The following SYT16 variants were observed in gnomAD, a reference collection of about 807,000 sequenced individuals.
SYT16 encodes synaptotagmin-16.
SYT16 carries 42 observed loss-of-function variants against 61.4 expected under a neutral mutation model. The ratio of observed to expected loss-of-function variants is 0.68; its 90% CI spans 0.53 to 0.89. The LOEUF (loss-of-function observed/expected upper bound fraction) is 0.89, where lower values mean the gene tolerates loss of function less well. SYT16 is among the 40% of genes least tolerant of loss of function. The probability of loss-of-function intolerance (pLI) is 0.00; values close to 1 mark genes in which losing one functional copy is unlikely to be tolerated. For synonymous variants in SYT16, 314 were observed against 302.3 expected (o/e 1.04, Z -0.40); for missense variants, 804 against 807.3 (o/e 1.00, Z 0.05).
chr14:62,020,508 G>A (rs368573792), intron 3 of SYT16, among the ~76,000 whole-genome samples: 1 of 152,118 alleles, frequency 6.6e-6, no homozygotes, highest in African/African-American at 2.4e-5. Flanking sequence ...GAATTTGGAG[G>A]GTTCAGTTGC....
chr14:62,061,490 A>G (rs995389012), intron 3 of SYT16, among the ~76,000 whole-genome samples: 3 of 152,178 alleles, frequency 2.0e-5, no homozygotes, highest in Non-Finnish European at 2.9e-5. Flanking sequence ...CAACTGTATT[A>G]TAGCTATAAG....
chr14:62,018,929 A>G (rs1296077466), intron 3 of SYT16, among the ~76,000 whole-genome samples: 6 of 152,220 alleles, frequency 3.9e-5, no homozygotes, highest in East Asian at 3.8e-4. Context: ...TTGCCCCTGC[A>G]TCTGCGCTTG....
intron 1 of SYT16, among the ~76,000 whole-genome samples, chr14:61,837,232 G>T (rs1219185712): frequency 1.4e-5 from 2 of 138,432 alleles, no homozygotes; most frequent in African/African-American, 5.4e-5. Flanking sequence ...GGCAGAGGCT[G>T]ATTTTTTTTT....
intron 3 of SYT16, among the ~76,000 whole-genome samples, chr14:62,013,046 T>A (rs543446339): frequency 2.0e-5 from 3 of 152,326 alleles, no homozygotes; most frequent in Non-Finnish European, 4.4e-5. Flanking sequence ...TCCTTAACTA[T>A]ATAGTAGTTA....
chr14:61,907,695 C>T (rs1006501396), intron 1 of SYT16, among the ~76,000 whole-genome samples: 2 of 152,190 alleles, frequency 1.3e-5, no homozygotes, highest in Admixed American at 1.3e-4. Flanking sequence ...TTCCTTATGG[C>T]CTACCTCGGC....
chr14:61,976,126 G>T (rs1272662277), intron 2 of SYT16, among the ~76,000 whole-genome samples: 3 of 152,214 alleles, frequency 2.0e-5, no homozygotes, highest in Non-Finnish European at 4.4e-5. Flanking sequence ...GCTCTGAAAT[G>T]GTTTCCTTTG....
At chr14:62,042,929 G>A (rs1254930) in intron 3 of SYT16, among the ~76,000 whole-genome samples, 1 of 151,818 alleles carries the variant, frequency 6.6e-6, no homozygotes. Flanking sequence ...GGAATCCCTG[G>A]TTTTTTGTTT....
intron 1 of SYT16, among the ~76,000 whole-genome samples, chr14:61,879,970 A>T (rs1265191782): frequency 1.3e-5 from 2 of 152,124 alleles, no homozygotes; most frequent in African/African-American, 4.8e-5. Flanking sequence ...GTTGCTTCCA[A>T]ATTCACTGAA....
chr14:62,037,379 A>C (rs992920735), intron 3 of SYT16, among the ~76,000 whole-genome samples: 1 of 152,180 alleles, frequency 6.6e-6, no homozygotes, highest in Non-Finnish European at 1.5e-5. Flanking sequence ...ACACGTCTTT[A>C]TTAACTATCA....
chr14:62,067,508 G>T (rs1025577351), intron 3 of SYT16, among the ~76,000 whole-genome samples: 2 of 152,160 alleles, frequency 1.3e-5, no homozygotes, highest in African/African-American at 4.8e-5. Flanking sequence ...CTGAAAGAGG[G>T]CCCGTGTGCT....
chr14:61,895,068 C>T (rs770842090), intron 1 of SYT16, among the ~76,000 whole-genome samples: 3 of 151,974 alleles, frequency 2.0e-5, no homozygotes, highest in African/African-American at 2.4e-5. Context: ...GCAGAAACAA[C>T]GGGGGCTCTA....
intron 1 of SYT16, among the ~76,000 whole-genome samples, chr14:61,892,377 C>A (rs187377550): frequency 2.6e-5 from 4 of 152,216 alleles, no homozygotes; most frequent in Admixed American, 2.6e-4. Context: ...TCTTTGCCCT[C>A]GCTTTGTCCC....
intron 1 of SYT16, among the ~76,000 whole-genome samples, chr14:61,815,163 G>A (rs570907791): frequency 6.6e-6 from 1 of 152,280 alleles, no homozygotes; most frequent in Admixed American, 6.5e-5. Flanking sequence ...TGCATCCTGA[G>A]AATTCACATT....
chr14:61,820,151 C>T (rs945851456), intron 1 of SYT16, among the ~76,000 whole-genome samples: 1 of 152,222 alleles, frequency 6.6e-6, no homozygotes, highest in South Asian at 2.1e-4. Flanking sequence ...GTGCAGAACT[C>T]AGATTTTAAA....
At chr14:62,064,274 A>G (rs896430146) in intron 3 of SYT16, among the ~76,000 whole-genome samples, 14 of 150,290 alleles carry the variant, frequency 9.3e-5, no homozygotes, top group African/African-American at 3.2e-4. Context: ...GGTAGCATAG[A>G]TACATTGAAA....
chr14:61,986,539 T>G (rs1024975260), intron 2 of SYT16, among the ~76,000 whole-genome samples: 1 of 151,858 alleles, frequency 6.6e-6, no homozygotes, highest in Non-Finnish European at 1.5e-5. Context: ...GCCATGTTGG[T>G]GTGCTGCACC....
chr14:62,060,733 G>A (rs1007064041), intron 3 of SYT16, among the ~76,000 whole-genome samples: 4 of 151,736 alleles, frequency 2.6e-5, no homozygotes, highest in African/African-American at 9.7e-5. Context: ...ATATATTGCT[G>A]AGGATTTTTT....
At chr14:62,065,636 T>C (rs768135733) in intron 3 of SYT16, among the ~76,000 whole-genome samples, 1 of 152,192 alleles carries the variant, frequency 6.6e-6, no homozygotes, top group Non-Finnish European at 1.5e-5. Context: ...AAAATTGGCC[T>C]AAAAATATAA....
Position 61,835,426 on chromosome 14 carries a change from T to G in SYT16, c.-325+22616T>G, listed in dbSNP as rs188693596. Among the ~76,000 whole-genome samples, 420 of 151,920 alleles carry G rather than the reference T, an allele frequency of 2.8e-3. 3 individuals carry two copies. Among genetic ancestry groups the G allele is most frequent in the Middle Eastern group, 0.014 (4 of 294 alleles). ...GGCGCCTGCCACCATGCCCAGCTAA[T>G]TTTTTGTATTCTTAGTAGAGATGGG... On this transcript the variant is annotated intron_variant, in intron 1 of 7. Coordinates refer to ENST00000683842, the MANE Select transcript of SYT16 (RefSeq NM_001367656.1).
Sources: gnomAD v4.1 joint callset for allele counts (sites outside exome capture counted in the v4.1 genomes callset) on GRCh38, gnomAD v4.1.1 for gene constraint, MANE v1.5 for transcripts, NCBI Gene and HGNC (gene_info 2026-07-23, HGNC 2026-07-21) for gene names.